DOCK10: variants seen among roughly 807,000 people sequenced by gnomAD.
The protein encoded by DOCK10 is dedicator of cytokinesis 10.
DOCK10 carries 145 observed loss-of-function variants against 280.1 expected under a neutral mutation model. The ratio of observed to expected loss-of-function variants is 0.52; its 90% CI spans 0.45 to 0.59. The LOEUF (loss-of-function observed/expected upper bound fraction) is 0.59, where lower values mean the gene tolerates loss of function less well. Ranked by LOEUF, DOCK10 falls within the 20% of genes least tolerant of loss-of-function variation. The pLI is 0.00. For missense variants in DOCK10, 2,368 were observed against 2,651.7 expected, an observed-to-expected ratio of 0.89 and a Z score of 2.35; for synonymous variants, 915 against 942.2, an observed-to-expected ratio of 0.97 and a Z score of 0.53.
At chr2:224,894,919 GC>G (rs935240177) in intron 4 of DOCK10, among the ~76,000 whole-genome samples, 74 of 152,096 alleles carry the variant, frequency 4.9e-4, no homozygotes, top group African/African-American at 1.7e-3. Context: ...ATTTCCAAAG[GC>G]TTTTGTTGCA....
At chr2:225,038,611 G>A (rs752070440) in intron 1 of DOCK10, among the ~76,000 whole-genome samples, 3 of 152,062 alleles carry the variant, frequency 2.0e-5, no homozygotes, top group East Asian at 1.9e-4. Context: ...AATCACTTCC[G>A]GCAGGATGCT....
intron 1 of DOCK10, among the ~76,000 whole-genome samples, chr2:224,986,803 T>C (rs749710831): frequency 1.3e-5 from 2 of 152,156 alleles, no homozygotes; most frequent in Non-Finnish European, 2.9e-5. Context: ...CCACCTAGTC[T>C]GTGGTGTTTT....
chr2:225,034,518 T>A (rs1269159840), intron 1 of DOCK10, among the ~76,000 whole-genome samples: 3 of 152,222 alleles, frequency 2.0e-5, no homozygotes, highest in Non-Finnish European at 4.4e-5. Context: ...GCTGTCATTA[T>A]CAGATGCTAA....
chr2:224,889,536 A>C (rs2125784831), intron 4 of DOCK10, among the ~76,000 whole-genome samples: 1 of 152,362 alleles, frequency 6.6e-6, no homozygotes, highest in Non-Finnish European at 1.5e-5. Context: ...ACATTAAGTA[A>C]GATTGCTGCC....
At chr2:224,861,436 C>T (rs1466406390) in intron 14 of DOCK10, 2 of 152,228 alleles carry the variant, frequency 1.3e-5, no homozygotes, top group Non-Finnish European at 2.9e-5. Flanking sequence ...CAGGCCTGGA[C>T]TCTCCCTCCC....
chr2:225,021,541 G>A (rs1008623482), intron 1 of DOCK10, among the ~76,000 whole-genome samples: 1 of 152,214 alleles, frequency 6.6e-6, no homozygotes, highest in Non-Finnish European at 1.5e-5. Flanking sequence ...TGAAAACCCT[G>A]TCCCCTCCAA....
intron 2 of DOCK10, among the ~76,000 whole-genome samples, chr2:224,921,112 A>AAAAAAAATATATATATATAT: frequency 1.3e-4 from 7 of 54,412 alleles, no homozygotes; most frequent in Non-Finnish European, 2.1e-4. Context: ...AAAAAAAAAA[A>AAAAAAAATATATATATATAT]ATATATATAT....
chr2:224,972,780 G>A (rs1440914078), intron 1 of DOCK10, among the ~76,000 whole-genome samples: 1 of 152,036 alleles, frequency 6.6e-6, no homozygotes, highest in Non-Finnish European at 1.5e-5. Context: ...GAAATTAAAT[G>A]GTTAATTTCA....
intron 51 of DOCK10, 44 bp from the exon 52 acceptor site, chr2:224,775,159 G>A (rs1395750475): frequency 6.3e-7 from 1 of 1,579,816 alleles, no homozygotes; most frequent in African/African-American, 1.3e-5. Flanking sequence ...GTGCCCTGGA[G>A]CGCTCTGAAA....
intron 1 of DOCK10, among the ~76,000 whole-genome samples, chr2:225,008,319 T>G (rs967950293): frequency 2.0e-5 from 3 of 152,234 alleles, no homozygotes; most frequent in Non-Finnish European, 4.4e-5. Context: ...AAACATTTCT[T>G]GAGTGAAGAC....
Position 224,807,684 on chromosome 2 carries a change from A to T in DOCK10, c.3686T>A (p.Val1229Asp). ...IYLKDLYPFT[V>D]NTSNQGSRDD... ...CAAACGTACCTGATTAGATGTATTGACAGTAAAAGGATACAGGTCCTTCAG... is the reference window on the plus strand; with the variant it reads ...CAAACGTACCTGATTAGATGTATTGTCAGTAAAAGGATACAGGTCCTTCAG... The change falls in exon 33 of 56, where the codon GTC becomes GAC. Residue 1229 changes from valine to aspartate, a missense_variant. Around this residue, in one of 2 missense-constraint regions of DOCK10, gnomAD observed 1,159 missense variants for 1,400.8 expected, o/e 0.83. Coordinates refer to ENST00000258390, the MANE Select transcript of DOCK10 (RefSeq NM_014689.3). 1 of 1,559,864 alleles carries T rather than the reference A, an allele frequency of 6.4e-7. No homozygotes were observed. Among genetic ancestry groups the T allele is most frequent in the Non-Finnish European group, 8.7e-7 (1 of 1,147,972 alleles).
In DOCK10 at chr2:224,805,047, C is replaced by G; in HGVS notation, c.4118+11G>C. On this transcript the variant is annotated intron_variant, in intron 37 of 55. Coordinates refer to ENST00000258390, the MANE Select transcript of DOCK10 (RefSeq NM_014689.3). The surrounding 1 kb of genome is among the most constrained non-coding windows in gnomAD (Gnocchi z 4.3). Reference sequence around the variant, plus strand: ...AGAAAAAAGTGTTAAGTCATCAACTCTAAAACTTACTCCAAGATGCTGAAG... The same window carrying G: ...AGAAAAAAGTGTTAAGTCATCAACTGTAAAACTTACTCCAAGATGCTGAAG... 1 of 1,599,672 alleles carries G rather than the reference C, an allele frequency of 6.3e-7. No homozygotes were observed. The highest frequency in any genetic ancestry group is 8.5e-7 in the Non-Finnish European group (1 of 1,173,920).
At position 224,807,676 on chromosome 2, in the gene DOCK10, A is replaced by G. The variant is rs1306014295; in HGVS notation, c.3694T>C (p.Ser1232Pro). The change falls in exon 33 of 56, where the codon TCT becomes CCT. Residue 1232 changes from serine to proline, a missense_variant. Around this residue, in one of 2 missense-constraint regions of DOCK10, gnomAD observed 1,159 missense variants for 1,400.8 expected, o/e 0.83. Coordinates refer to ENST00000258390, the MANE Select transcript of DOCK10 (RefSeq NM_014689.3). ...ATATTGTGCAAACGTACCTGATTAGATGTATTGACAGTAAAAGGATACAGG... is the reference window on the plus strand; with the variant it reads ...ATATTGTGCAAACGTACCTGATTAGGTGTATTGACAGTAAAAGGATACAGG... Reference protein sequence around the residue: ...KDLYPFTVNTSNQGSRDDLST... With the variant: ...KDLYPFTVNTPNQGSRDDLST... 2.6e-6 allele frequency: 4 copies of G among 1,547,672 alleles called. No homozygotes were observed. Among genetic ancestry groups the G allele is most frequent in the African/African-American group, 1.4e-5 (1 of 73,280 alleles).
At chr2:224,921,100 A>T (rs1230493598) in intron 2 of DOCK10, among the ~76,000 whole-genome samples, 967 of 37,932 alleles carry the variant, frequency 0.025, 20 homozygotes, top group Non-Finnish European at 0.035. Flanking sequence ...ATTAAAAAAA[A>T]AAAAAAAAAA....
At chr2:224,881,825 A>G (rs13431816) in intron 7 of DOCK10, among the ~76,000 whole-genome samples, 27,531 of 152,012 alleles carry the variant, frequency 0.18, 4,182 homozygotes, top group African/African-American at 0.42. Context: ...TTTCCTTGTA[A>G]TGTTCTTTCC....
intron 1 of DOCK10, among the ~76,000 whole-genome samples, chr2:225,023,418 G>A (rs943341415): frequency 6.6e-6 from 1 of 151,948 alleles, no homozygotes; most frequent in Non-Finnish European, 1.5e-5. Flanking sequence ...ACACAAAATT[G>A]TCAGATGGGG....
intron 1 of DOCK10, among the ~76,000 whole-genome samples, chr2:224,967,888 A>T (rs1273623758): frequency 6.6e-6 from 1 of 152,108 alleles, no homozygotes. Flanking sequence ...TTTTTCTCAT[A>T]GTATATACTT....
At chr2:224,930,533 C>T (rs982146007) in intron 2 of DOCK10, among the ~76,000 whole-genome samples, 1 of 151,786 alleles carries the variant, frequency 6.6e-6, no homozygotes, top group Non-Finnish European at 1.5e-5. Context: ...TCATTAACTT[C>T]CATATACCTT....
chr2:224,781,468 C>T (rs189305917), intron 50 of DOCK10, among the ~76,000 whole-genome samples: 203 of 152,260 alleles, frequency 1.3e-3, no homozygotes, highest in Non-Finnish European at 2.4e-3. Context: ...ACCTTATACC[C>T]AGGGAAACTA....
Sources: gnomAD v4.1 joint callset for allele counts (sites outside exome capture counted in the v4.1 genomes callset) on GRCh38, gnomAD v4.1.1 for gene constraint, gnomAD v4.1.1 regional missense constraint, Gnocchi (gnomAD v3.1) non-coding constraint, MANE v1.5 for transcripts, NCBI Gene and HGNC (gene_info 2026-07-23, HGNC 2026-07-21) for gene names.